The following PCYT1A variants were observed in gnomAD, a reference collection of about 807,000 sequenced individuals.
The protein encoded by PCYT1A is choline-phosphate cytidylyltransferase A.
Under a neutral mutation model 43.7 loss-of-function variants are expected in PCYT1A, and 25 were observed. The ratio of observed to expected loss-of-function variants is 0.57; its 90% CI spans 0.42 to 0.80. The LOEUF is 0.80. Ranked by LOEUF, PCYT1A falls within the 30% of genes least tolerant of loss-of-function variation. The pLI is 0.00. For synonymous variants in PCYT1A, 172 were observed against 170.7 expected (o/e 1.01, Z -0.06); for missense variants, 421 against 474.2 (o/e 0.89, Z 1.04).
intron 3 of PCYT1A, among the ~76,000 whole-genome samples, chr3:196,257,343 C>T (rs1264527417): frequency 3.9e-5 from 6 of 152,228 alleles, no homozygotes; most frequent in South Asian, 2.1e-4. Context: ...AATTAAGTGA[C>T]GAGCATCTCC....
intron 3 of PCYT1A, among the ~76,000 whole-genome samples, chr3:196,254,892 C>T (rs1173298226): frequency 6.6e-6 from 1 of 152,148 alleles, no homozygotes; most frequent in African/African-American, 2.4e-5. Context: ...GCCCTTCACA[C>T]TCTCCCTTTT....
intron 7 of PCYT1A, among the ~76,000 whole-genome samples, chr3:196,241,066 G>T (rs1395566878): frequency 6.7e-6 from 1 of 149,280 alleles, no homozygotes; most frequent in Non-Finnish European, 1.5e-5. Context: ...GGCCAAGGGG[G>T]TCCGATCGCT....
At chr3:196,254,710 A>G (rs1724902496) in intron 3 of PCYT1A, among the ~76,000 whole-genome samples, 1 of 152,204 alleles carries the variant, frequency 6.6e-6, no homozygotes, top group Non-Finnish European at 1.5e-5. Flanking sequence ...TTTGGATGAT[A>G]AATTATATGG....
rs1227589548 is a variant in PCYT1A, at chr3:196,241,992, G to A, written c.664C>T (p.Gln222Ter). The change falls in exon 7 of 9, where the codon CAG (glutamine) becomes TAG (stop). Residue 222 changes from glutamine (Q) to a stop codon, truncating the protein, a stop_gained. Coordinates refer to ENST00000431016, the MANE Select transcript of PCYT1A (RefSeq NM_001312673.2). LOFTEE classifies it high-confidence loss of function. ...DYDVYARRNL[Q>*]RGYTAKELNV... ...AGCTCCTTTGCTGTGTAGCCCCTCT[G>A]CAGGTTCCGCCTCGCATACACATCA... The A allele has an allele frequency of 1.2e-6, 2 of 1,614,174 alleles. No individual in the cohort carries two copies. Among genetic ancestry groups the A allele is most frequent in the Admixed American group, 3.3e-5 (2 of 60,020 alleles).
chr3:196,264,860 A>G (rs894270890), intron 2 of PCYT1A, among the ~76,000 whole-genome samples: 43 of 152,080 alleles, frequency 2.8e-4, no homozygotes, highest in Non-Finnish European at 7.4e-5. Flanking sequence ...GGGCAAGGTC[A>G]TCTTTTCATC....
intron 5 of PCYT1A, among the ~76,000 whole-genome samples, chr3:196,243,733 G>A (rs1332583422): frequency 6.6e-6 from 1 of 152,254 alleles, no homozygotes; most frequent in Non-Finnish European, 1.5e-5. Context: ...ACAGGGTTTT[G>A]CTGTGTTGGC....
At chr3:196,261,789 CA>C (rs72143123) in intron 2 of PCYT1A, among the ~76,000 whole-genome samples, 50,385 of 126,160 alleles carry the variant, frequency 0.4, 9,180 homozygotes, top group East Asian at 0.81. Context: ...AACTCCATCT[CA>C]AAAAAAAAAA....
intron 1 of PCYT1A, among the ~76,000 whole-genome samples, chr3:196,281,502 GT>G (rs1220173647): frequency 6.6e-6 from 1 of 152,192 alleles, no homozygotes; most frequent in African/African-American, 2.4e-5. Context: ...ACACAGCCAT[GT>G]TCACTCACTG....
At position 196,268,768 on chromosome 3, in the gene PCYT1A, C is replaced by G. The variant is rs2108777105; in HGVS notation, c.117+1647G>C. On this transcript the variant is annotated intron_variant, in intron 2 of 8. Coordinates refer to ENST00000431016, the MANE Select transcript of PCYT1A (RefSeq NM_001312673.2). The surrounding 1 kb of genome is among the most constrained non-coding windows in gnomAD (Gnocchi z 4.4). ...CGGGACCGCACCACTGCACTCCAGC[C>G]TGGGTGACAAAGCGAGACTCTGTCT... Among the ~76,000 whole-genome samples the G allele has an allele frequency of 6.6e-6, 1 of 152,258 alleles. No homozygotes were observed. Among genetic ancestry groups the G allele is most frequent in the East Asian group, 1.9e-4 (1 of 5,194 alleles).
intron 8 of PCYT1A, 98 bp downstream of exon 8, chr3:196,239,449 G>C (rs1273443050): frequency 1.6e-5 from 12 of 735,870 alleles, no homozygotes; most frequent in South Asian, 3.6e-5. Flanking sequence ...GGATAGACTA[G>C]ATAACTTCTC....
chr3:196,281,906 G>T (rs929393006), intron 1 of PCYT1A, among the ~76,000 whole-genome samples: 1 of 152,122 alleles, frequency 6.6e-6, no homozygotes, highest in Non-Finnish European at 1.5e-5. Flanking sequence ...GCCCAGGTTG[G>T]TCTCAAACTC....
chr3:196,286,061 CT>C (rs533707821), intron 1 of PCYT1A, among the ~76,000 whole-genome samples: 428 of 124,476 alleles, frequency 3.4e-3, no homozygotes, highest in African/African-American at 6.4e-3. Context: ...ACCACTGTCC[CT>C]TTTTTTTTTT....
chr3:196,263,385 T>C (rs1462940930), intron 2 of PCYT1A, among the ~76,000 whole-genome samples: 1 of 152,118 alleles, frequency 6.6e-6, no homozygotes, highest in Non-Finnish European at 1.5e-5. Flanking sequence ...CCAGTTAATT[T>C]TTCCATTTTT....
intron 5 of PCYT1A, among the ~76,000 whole-genome samples, chr3:196,246,036 C>A (rs188302949): frequency 6.6e-6 from 1 of 151,956 alleles, no homozygotes; most frequent in African/African-American, 2.4e-5. Flanking sequence ...GTTAGAAATT[C>A]CTCTAACTTC....
intron 1 of PCYT1A, among the ~76,000 whole-genome samples, chr3:196,281,812 C>T (rs532530989): frequency 5.3e-5 from 8 of 152,246 alleles, no homozygotes; most frequent in Admixed American, 2.0e-4. Context: ...ATCCTCCTGC[C>T]TCACCCTCCC....
chr3:196,237,320 A>C lies in PCYT1A; in HGVS notation c.*1368T>G, dbSNP rs1230226317. ...GGGCTTTAAAAGTTAGAGCATGCTCAACAGCAAGTGCTAAGCATTAGCATT... is the reference window on the plus strand; with the variant it reads ...GGGCTTTAAAAGTTAGAGCATGCTCCACAGCAAGTGCTAAGCATTAGCATT... On this transcript the variant is annotated 3_prime_UTR_variant, in exon 9 of 9. Coordinates refer to ENST00000431016, the MANE Select transcript of PCYT1A (RefSeq NM_001312673.2). The C allele has an allele frequency of 6.6e-6, 1 of 152,300 alleles. No individual in the cohort carries two copies. Among genetic ancestry groups the C allele is most frequent in the Non-Finnish European group, 1.5e-5 (1 of 68,056 alleles). The allele number at this position is 152,300 out of a possible 1,614,324, so 9.4% of individuals were successfully genotyped here. A position where few individuals can be genotyped will look rare whatever the true frequency, so the allele number is the denominator to read the frequency against.
At chr3:196,241,720 T>C in intron 7 of PCYT1A, 1 of 1,387,276 alleles carries the variant, frequency 7.2e-7, no homozygotes, top group South Asian at 1.3e-5. Flanking sequence ...ATTACTCATT[T>C]ATTTAGTTGG....
In PCYT1A at chr3:196,242,447, T is replaced by G. The variant is rs1423819349; in HGVS notation, c.565+115A>C. 1.3e-5 allele frequency: 10 copies of G among 796,452 alleles called. No homozygotes were observed. The highest frequency in any genetic ancestry group is 2.3e-5 in the Non-Finnish European group (10 of 441,520). The allele number at this position is 796,452 out of a possible 1,614,324, so 49.3% of individuals were successfully genotyped here. ...TTTACCTTTTATCCAAAATGTGGCC[T>G]GAAAGAGGATGTTGAATTTCTAATG... On this transcript the variant is annotated intron_variant, in intron 6 of 8. Coordinates refer to ENST00000431016, the MANE Select transcript of PCYT1A (RefSeq NM_001312673.2). This position sits in a 1 kb window ranked among gnomAD's most constrained non-coding sequence, Gnocchi z 4.2.
In PCYT1A at chr3:196,268,086, G is replaced by C. The variant is rs183588431; in HGVS notation, c.117+2329C>G. On this transcript the variant is annotated intron_variant, in intron 2 of 8. Transcript: ENST00000431016. This position sits in a 1 kb window ranked among gnomAD's most constrained non-coding sequence, Gnocchi z 4.4. ...AACTGATTTCACATGAATATATGAAGCAAAGTAATTTAAAGCATTAAGACT... is the reference window on the plus strand; with the variant it reads ...AACTGATTTCACATGAATATATGAACCAAAGTAATTTAAAGCATTAAGACT... 6.6e-6 allele frequency among the ~76,000 whole-genome samples: 1 copy of C among 151,548 alleles called. No individual in the cohort carries two copies. Among genetic ancestry groups the C allele is most frequent in the African/African-American group, 2.4e-5 (1 of 41,290 alleles).
Sources: allele counts gnomAD v4.1 joint callset (sites outside exome capture counted in the v4.1 genomes callset), GRCh38; gene constraint gnomAD v4.1.1; non-coding constraint Gnocchi (gnomAD v3.1); transcripts MANE v1.5; gene names NCBI Gene and HGNC (gene_info 2026-07-23, HGNC 2026-07-21).